REPS2: variants seen among roughly 807,000 people sequenced by gnomAD.
The protein encoded by REPS2 is RALBP1 associated Eps domain containing 2, also known as ralBP1-associated Eps domain-containing protein 2.
A neutral mutation model predicts 53.6 loss-of-function variants in REPS2; 23 were observed. The observed-to-expected ratio is 0.43, with a 90% CI of 0.31 to 0.61. The LOEUF is 0.61. REPS2 is among the 20% of genes least tolerant of loss of function. REPS2 has a pLI of 0.11. For missense variants in REPS2, 446 were observed against 534.9 expected, an observed-to-expected ratio of 0.83 and a Z score of 1.64; for synonymous variants, 238 against 218.6, an observed-to-expected ratio of 1.09 and a Z score of -0.78.
chrX:17,055,895 A>G (rs1200507310), intron 8 of REPS2, among the ~76,000 whole-genome samples: 1 of 100,830 alleles, frequency 9.9e-6, no homozygotes, highest in African/African-American at 3.6e-5. Flanking sequence ...GCTAGATGAC[A>G]CGTTAGTGGG....
chrX:17,072,063 G>A (rs1458123502), intron 11 of REPS2, among the ~76,000 whole-genome samples: 1 of 111,636 alleles, frequency 9.0e-6, no homozygotes, highest in Non-Finnish European at 1.9e-5. Flanking sequence ...TGTTGTTGGT[G>A]ATTCTAGCAG....
chrX:17,124,688 G>C (rs915139397), intron 14 of REPS2, among the ~76,000 whole-genome samples: 11 of 110,615 alleles, frequency 9.9e-5, no homozygotes, highest in African/African-American at 3.3e-4. Flanking sequence ...TTGTCTTCTT[G>C]TCTGCCTAGA....
chrX:17,118,151 G>A (rs1464757499), intron 14 of REPS2, among the ~76,000 whole-genome samples: 1 of 104,802 alleles, frequency 9.5e-6, no homozygotes, highest in Non-Finnish European at 2.0e-5. Context: ...AGTAGAGACG[G>A]GGTTTCACCA....
intron 6 of REPS2, among the ~76,000 whole-genome samples, chrX:17,051,233 A>G (rs1336034601): frequency 8.9e-6 from 1 of 111,743 alleles, no homozygotes; most frequent in African/African-American, 3.3e-5. Flanking sequence ...CACTGTGTAT[A>G]CATACCACAT....
At chrX:17,031,616 C>T (rs894693691) in intron 5 of REPS2, among the ~76,000 whole-genome samples, 2 of 111,724 alleles carry the variant, frequency 1.8e-5, no homozygotes, top group Non-Finnish European at 3.8e-5. Context: ...TATGGGATAT[C>T]AGTAGGAATT....
intron 13 of REPS2, among the ~76,000 whole-genome samples, chrX:17,084,202 A>G (rs1490839184): frequency 9.0e-6 from 1 of 111,317 alleles, no homozygotes; most frequent in Admixed American, 9.5e-5. Flanking sequence ...GGCTTCATTC[A>G]CTTAGTATAA....
chrX:17,040,872 T>C (rs912451055), intron 5 of REPS2, among the ~76,000 whole-genome samples: 2 of 111,975 alleles, frequency 1.8e-5, no homozygotes. Flanking sequence ...ATTGGTCAGA[T>C]TGCAAAACCA....
At position 17,046,215 on chromosome X, in the gene REPS2, T is replaced by G. The variant is rs185827309; in HGVS notation, c.772-1132T>G. Among the ~76,000 whole-genome samples the G allele has an allele frequency of 5.7e-3, 612 of 107,679 alleles. 4 individuals carry two copies. The highest frequency in any genetic ancestry group is 0.019 in the African/African-American group (576 of 29,622). 93.5% of individuals were successfully genotyped at this position (107,679 alleles called of 115,157 possible). ...TGTTGCCCAGGCTGGAGTGCAGTGGTGCGACCTCTGCTCCCAGGTTCAACT... is the reference window on the plus strand; with the variant it reads ...TGTTGCCCAGGCTGGAGTGCAGTGGGGCGACCTCTGCTCCCAGGTTCAACT... On this transcript the variant is annotated intron_variant, in intron 5 of 17. Coordinates refer to ENST00000357277, the MANE Select transcript of REPS2 (RefSeq NM_004726.3).
chrX:17,065,487 C>A (rs772996548), intron 9 of REPS2, among the ~76,000 whole-genome samples: 4 of 112,752 alleles, frequency 3.5e-5, no homozygotes, highest in Non-Finnish European at 7.5e-5. Flanking sequence ...TGTAAGTGTT[C>A]TTGTGCTTTT....
At chrX:17,060,307 A>G (rs1201434953) in intron 8 of REPS2, among the ~76,000 whole-genome samples, 2 of 110,878 alleles carry the variant, frequency 1.8e-5, no homozygotes, top group Non-Finnish European at 3.8e-5. Flanking sequence ...CATTTCAAAA[A>G]TAAAATAAAA....
At chrX:17,141,951 A>G (rs992034588) in intron 17 of REPS2, among the ~76,000 whole-genome samples, 5 of 111,706 alleles carry the variant, frequency 4.5e-5, no homozygotes, top group African/African-American at 1.6e-4. Context: ...AATTGCTTAA[A>G]CAAATTTGAA....
chrX:17,133,778 G>A, intron 14 of REPS2, 46 bp from the exon 15 acceptor site: 1 of 1,042,410 alleles, frequency 9.6e-7, no homozygotes, highest in Non-Finnish European at 1.3e-6. Flanking sequence ...ATATTTAGGT[G>A]ATTGTGGTTT....
At chrX:17,090,939 G>A (rs773638784) in intron 13 of REPS2, among the ~76,000 whole-genome samples, 40 of 111,686 alleles carry the variant, frequency 3.6e-4, no homozygotes, top group East Asian at 1.1e-3. Flanking sequence ...TAATCTCTTC[G>A]TATATGAATA....
At chrX:17,182,967 T>C in the REPS2 span, among the ~76,000 whole-genome samples, 3 of 112,510 alleles carry the variant, frequency 2.7e-5, no homozygotes, top group African/African-American at 9.7e-5. Flanking sequence ...ATCAGCAAAC[T>C]ATACAGTTTC....
chrX:16,969,333 G>T (rs2060842892), intron 1 of REPS2, among the ~76,000 whole-genome samples: 1 of 111,949 alleles, frequency 8.9e-6, no homozygotes. Context: ...TGGCGGCCGG[G>T]CAGAGGCTGC....
At chrX:17,118,191 C>G (rs750731708) in intron 14 of REPS2, among the ~76,000 whole-genome samples, 11 of 108,067 alleles carry the variant, frequency 1.0e-4, no homozygotes, top group African/African-American at 3.7e-4. Flanking sequence ...GATCTCCTGA[C>G]CTCGTGATCC....
chrX:17,034,342 G>C (rs1484159859), intron 5 of REPS2, among the ~76,000 whole-genome samples: 9 of 111,213 alleles, frequency 8.1e-5, no homozygotes, highest in African/African-American at 2.9e-4. Flanking sequence ...TGTTGCCCAG[G>C]CTGGAGTACA....
the REPS2 span, among the ~76,000 whole-genome samples, chrX:17,191,331 T>TA: frequency 1.8e-5 from 2 of 112,022 alleles, no homozygotes; most frequent in Non-Finnish European, 3.8e-5. Flanking sequence ...ACAGGTATAT[T>TA]AAAAGAAGCT....
At chrX:16,951,559 A>ACACACCCCCC (rs879259718) in intron 1 of REPS2, among the ~76,000 whole-genome samples, 4 of 37,477 alleles carry the variant, frequency 1.1e-4, no homozygotes, top group Admixed American at 2.9e-4. Flanking sequence ...ACACACACAC[A>ACACACCCCCC]CCCCCGCTAC....
Sources: allele counts gnomAD v4.1 joint callset (sites outside exome capture counted in the v4.1 genomes callset), GRCh38; gene constraint gnomAD v4.1.1; transcripts MANE v1.5; gene names NCBI Gene and HGNC (gene_info 2026-07-23, HGNC 2026-07-21).